TRPC6: variants seen among roughly 807,000 people sequenced by gnomAD.
TRPC6 encodes short transient receptor potential channel 6.
TRPC6 carries 55 observed loss-of-function variants against 90.7 expected under a neutral mutation model. The observed-to-expected ratio is 0.61, with a 90% CI of 0.49 to 0.76. The LOEUF (loss-of-function observed/expected upper bound fraction) is 0.76, where lower values mean the gene tolerates loss of function less well. Among genes scored for constraint, TRPC6 ranks in the 30% least tolerant of loss-of-function variants. The pLI, the probability that TRPC6 is intolerant of heterozygous loss-of-function variation, is 0.00. For synonymous variants in TRPC6, 393 were observed against 393.0 expected, an observed-to-expected ratio of 1.00 and a Z score of 0.00; for missense variants, 989 against 1,122.7, an observed-to-expected ratio of 0.88 and a Z score of 1.70.
At chr11:101,526,396 AAAAT>A (rs1213118210) in intron 1 of TRPC6, among the ~76,000 whole-genome samples, 2 of 152,240 alleles carry the variant, frequency 1.3e-5, no homozygotes, top group Non-Finnish European at 2.9e-5. Context: ...TGAACTTAAA[AAAAT>A]AAATTTTGGC....
chr11:101,504,932 T>C (rs1413475884), intron 1 of TRPC6, 134 bp from the exon 2 acceptor site: 12 of 1,038,132 alleles, frequency 1.2e-5, no homozygotes, highest in African/African-American at 6.5e-5. Context: ...TACTATATTA[T>C]AAAATGAAGA....
chr11:101,529,001 C>A (rs1022312592), intron 1 of TRPC6, among the ~76,000 whole-genome samples: 2 of 151,966 alleles, frequency 1.3e-5, no homozygotes, highest in Non-Finnish European at 2.9e-5. Flanking sequence ...TGGATAGACA[C>A]CATTTTTCTC....
chr11:101,567,715 C>A (rs1039503398), intron 1 of TRPC6, among the ~76,000 whole-genome samples: 1 of 152,148 alleles, frequency 6.6e-6, no homozygotes, highest in Non-Finnish European at 1.5e-5. Context: ...TGGTGATAAC[C>A]CAGGCAAACA....
intron 1 of TRPC6, among the ~76,000 whole-genome samples, chr11:101,525,800 T>C (rs1860765850): frequency 6.6e-6 from 1 of 152,226 alleles, no homozygotes; most frequent in African/African-American, 2.4e-5. Flanking sequence ...TGAAAACTTC[T>C]AAATCATATT....
intron 1 of TRPC6, among the ~76,000 whole-genome samples, chr11:101,569,592 T>C (rs910697779): frequency 8.5e-5 from 13 of 152,140 alleles, no homozygotes; most frequent in Admixed American, 1.3e-4. Context: ...ATCAAACTTA[T>C]TCTAAAATTG....
At chr11:101,529,726 G>T (rs1488854927) in intron 1 of TRPC6, among the ~76,000 whole-genome samples, 1 of 152,122 alleles carries the variant, frequency 6.6e-6, no homozygotes, top group Non-Finnish European at 1.5e-5. Context: ...GGAATAGGAG[G>T]CCCCCTGCTC....
intron 4 of TRPC6, 93 bp downstream of exon 4, chr11:101,488,844 G>T: frequency 2.8e-6 from 4 of 1,416,768 alleles, no homozygotes; most frequent in Non-Finnish European, 4.0e-6. Context: ...ACCCAACTGT[G>T]ATTCCCTGAA....
At chr11:101,477,179 G>A (rs76539016) in intron 5 of TRPC6, among the ~76,000 whole-genome samples, 2,485 of 150,608 alleles carry the variant, frequency 0.016, 73 homozygotes, top group African/African-American at 0.055. Context: ...CTTAGACTGT[G>A]TAAAGATCTA....
At chr11:101,485,696 T>G (rs116825722) in intron 4 of TRPC6, among the ~76,000 whole-genome samples, 76 of 152,216 alleles carry the variant, frequency 5.0e-4, no homozygotes, top group African/African-American at 1.8e-3. Flanking sequence ...CCAGGAAGAA[T>G]AAGAAGCAGC....
chr11:101,487,633 A>AG (rs922381071), intron 4 of TRPC6, among the ~76,000 whole-genome samples: 9 of 129,460 alleles, frequency 7.0e-5, no homozygotes, highest in African/African-American at 3.2e-4. Flanking sequence ...TTTAGTAAAA[A>AG]GGGAAAAAAA....
At chr11:101,517,102 T>A (rs1189118321) in intron 1 of TRPC6, among the ~76,000 whole-genome samples, 1 of 152,238 alleles carries the variant, frequency 6.6e-6, no homozygotes, top group Non-Finnish European at 1.5e-5. Context: ...TTTGTCTATA[T>A]CCATTTGCAG....
At chr11:101,501,064 G>T (rs571172009) in intron 2 of TRPC6, among the ~76,000 whole-genome samples, 12 of 151,282 alleles carry the variant, frequency 7.9e-5, no homozygotes, top group Non-Finnish European at 1.6e-4. Flanking sequence ...ACATCTTTCA[G>T]ATGGAAAGGG....
chr11:101,478,838 C>G (rs548302384), intron 5 of TRPC6, among the ~76,000 whole-genome samples: 1 of 152,280 alleles, frequency 6.6e-6, no homozygotes, highest in South Asian at 2.1e-4. Context: ...AGACAGGTAG[C>G]AAATGAGTCA....
chr11:101,559,067 A>G (rs1861652003), intron 1 of TRPC6, among the ~76,000 whole-genome samples: 1 of 152,174 alleles, frequency 6.6e-6, no homozygotes, highest in Non-Finnish European at 1.5e-5. Flanking sequence ...GAAACAACAG[A>G]GTACAGAGAC....
intron 1 of TRPC6, among the ~76,000 whole-genome samples, chr11:101,506,019 A>C (rs905617294): frequency 1.1e-4 from 17 of 151,696 alleles, no homozygotes; most frequent in African/African-American, 3.9e-4. Context: ...ATCAAAGAAA[A>C]AAAAAAAAAA....
intron 1 of TRPC6, among the ~76,000 whole-genome samples, chr11:101,516,122 A>AAAAG (rs59829870): frequency 6.6e-6 from 1 of 151,050 alleles, no homozygotes; most frequent in African/African-American, 2.4e-5. Flanking sequence ...AAAAAAAAAA[A>AAAAG]GCAGAGTTTC....
At chr11:101,569,101 G>C (rs1445815657) in intron 1 of TRPC6, among the ~76,000 whole-genome samples, 1 of 151,822 alleles carries the variant, frequency 6.6e-6, no homozygotes, top group African/African-American at 2.4e-5. Context: ...TCAGTGTGCT[G>C]TATTCAGGAG....
At chr11:101,550,233 G>T (rs1425035218) in intron 1 of TRPC6, among the ~76,000 whole-genome samples, 1 of 151,382 alleles carries the variant, frequency 6.6e-6, no homozygotes, top group Non-Finnish European at 1.5e-5. Flanking sequence ...TCAACAAAAA[G>T]TTCCTTGATA....
chr11:101,552,774 A>G (rs961926604), intron 1 of TRPC6, among the ~76,000 whole-genome samples: 5 of 152,082 alleles, frequency 3.3e-5, no homozygotes, highest in African/African-American at 9.7e-5. Flanking sequence ...CTAAATATAC[A>G]TCTTATAGCC....
Sources: gnomAD v4.1 joint callset for allele counts (sites outside exome capture counted in the v4.1 genomes callset) on GRCh38, gnomAD v4.1.1 for gene constraint, MANE v1.5 for transcripts, NCBI Gene and HGNC (gene_info 2026-07-23, HGNC 2026-07-21) for gene names.